Variants in GRM7 observed in about 807,000 individuals in gnomAD.
GRM7 encodes metabotropic glutamate receptor 7.
In GRM7, 35 loss-of-function variants were observed where a neutral mutation model predicts 84.5. The ratio of observed to expected loss-of-function variants is 0.41; its 90% CI spans 0.32 to 0.55. GRM7 has a LOEUF of 0.55. GRM7 is among the 20% of genes least tolerant of loss of function. The probability of loss-of-function intolerance (pLI) is 0.19; values close to 1 mark genes in which losing one functional copy is unlikely to be tolerated. For synonymous variants in GRM7, 487 were observed against 455.1 expected, an observed-to-expected ratio of 1.07 and a Z score of -0.89; for missense variants, 1,003 against 1,194.6, an observed-to-expected ratio of 0.84 and a Z score of 2.36.
intron 9 of GRM7, chr3:7,686,441 TC>T: frequency 7.0e-7 from 1 of 1,421,038 alleles, no homozygotes. Flanking sequence ...TTGACTGCTT[TC>T]CCAAAGGTAA....
At chr3:7,593,458 T>G (rs1695889144) in intron 8 of GRM7, among the ~76,000 whole-genome samples, 1 of 152,088 alleles carries the variant, frequency 6.6e-6, no homozygotes, top group African/African-American at 2.4e-5. Context: ...TGAGACAATA[T>G]GCAAACAAAC....
intron 3 of GRM7, among the ~76,000 whole-genome samples, chr3:7,302,628 T>G (rs1406376443): frequency 6.6e-6 from 1 of 152,146 alleles, no homozygotes; most frequent in Non-Finnish European, 1.5e-5. Flanking sequence ...TACAGGCAAT[T>G]TTTGGTCAGC....
chr3:7,732,598 CT>C (rs1702370471), intron 9 of GRM7, among the ~76,000 whole-genome samples: 2 of 152,204 alleles, frequency 1.3e-5, no homozygotes, highest in South Asian at 4.2e-4. Flanking sequence ...CTCTTCAAAA[CT>C]GTGAATATTT....
At chr3:6,885,242 G>A (rs1041186489) in intron 1 of GRM7, among the ~76,000 whole-genome samples, 2 of 152,172 alleles carry the variant, frequency 1.3e-5, no homozygotes, top group African/African-American at 4.8e-5. Context: ...CAGCCGCAGA[G>A]GTACTGCTTC....
chr3:7,479,545 G>A (rs997879473), intron 7 of GRM7, among the ~76,000 whole-genome samples: 6 of 152,152 alleles, frequency 3.9e-5, no homozygotes, highest in African/African-American at 1.4e-4. Flanking sequence ...CCTGCTTGAT[G>A]TCTAACCTAT....
At chr3:7,363,212 T>C (rs1403050705) in intron 4 of GRM7, among the ~76,000 whole-genome samples, 1 of 151,798 alleles carries the variant, frequency 6.6e-6, no homozygotes, top group African/African-American at 2.4e-5. Flanking sequence ...ATAAAATGTA[T>C]CACTCAGAAT....
At chr3:6,885,915 A>C (rs919302681) in intron 1 of GRM7, among the ~76,000 whole-genome samples, 1 of 152,150 alleles carries the variant, frequency 6.6e-6, no homozygotes, top group Non-Finnish European at 1.5e-5. Flanking sequence ...ATATTGATGG[A>C]TGCTATATTT....
At chr3:7,134,295 G>T (rs1224008511) in intron 1 of GRM7, among the ~76,000 whole-genome samples, 3 of 151,856 alleles carry the variant, frequency 2.0e-5, no homozygotes, top group African/African-American at 7.3e-5. Flanking sequence ...TATTTTCCAT[G>T]TTCCATAAAA....
chr3:7,210,060 C>T (rs1241808786), intron 2 of GRM7, among the ~76,000 whole-genome samples: 2 of 152,142 alleles, frequency 1.3e-5, no homozygotes, highest in African/African-American at 4.8e-5. Context: ...TGTTTCTGTT[C>T]AGTCTATCTA....
At chr3:7,004,896 A>G (rs1349643653) in intron 1 of GRM7, among the ~76,000 whole-genome samples, 2 of 152,226 alleles carry the variant, frequency 1.3e-5, no homozygotes, top group South Asian at 4.1e-4. Context: ...ACCACAGACA[A>G]CAGGCAGGCA....
At chr3:7,413,415 T>C (rs1022452795) in intron 4 of GRM7, among the ~76,000 whole-genome samples, 1 of 152,222 alleles carries the variant, frequency 6.6e-6, no homozygotes, top group Non-Finnish European at 1.5e-5. Flanking sequence ...TTTTTTGCCC[T>C]AGCTATAAGA....
intron 1 of GRM7, among the ~76,000 whole-genome samples, chr3:7,031,876 C>T (rs1696197629): frequency 6.6e-6 from 1 of 152,018 alleles, no homozygotes; most frequent in African/African-American, 2.4e-5. Context: ...AAACAAATCC[C>T]ACCAAGACAA....
intron 1 of GRM7, among the ~76,000 whole-genome samples, chr3:7,094,527 G>A (rs537694804): frequency 3.4e-4 from 52 of 152,202 alleles, no homozygotes; most frequent in Non-Finnish European, 6.8e-4. Context: ...CTTGAGATAC[G>A]TTACCTACTG....
intron 4 of GRM7, among the ~76,000 whole-genome samples, chr3:7,383,254 C>T (rs1271784602): frequency 1.3e-5 from 2 of 152,152 alleles, no homozygotes; most frequent in Non-Finnish European, 2.9e-5. Flanking sequence ...GTTTCTTACA[C>T]CTAAGAAGTG....
chr3:7,180,088 A>T (rs548959299), intron 2 of GRM7, among the ~76,000 whole-genome samples: 1 of 152,322 alleles, frequency 6.6e-6, no homozygotes, highest in African/African-American at 2.4e-5. Context: ...CTTTCACAGA[A>T]CATTGTTTGA....
chr3:7,414,012 C>G (rs563506701), intron 4 of GRM7, among the ~76,000 whole-genome samples: 88 of 152,260 alleles, frequency 5.8e-4, no homozygotes, highest in African/African-American at 2.0e-3. Context: ...AAATTCTTCT[C>G]TAAGCCTTCA....
intron 1 of GRM7, among the ~76,000 whole-genome samples, chr3:6,997,680 A>C (rs1694871371): frequency 2.0e-5 from 3 of 152,024 alleles, no homozygotes; most frequent in Admixed American, 6.6e-5. Context: ...TGCTCCTGGC[A>C]CCTCCCAAAT....
chr3:7,075,725 C>G (rs1021354481), intron 1 of GRM7, among the ~76,000 whole-genome samples: 5 of 152,002 alleles, frequency 3.3e-5, no homozygotes, highest in Admixed American at 1.3e-4. Flanking sequence ...AGGGTTTCAC[C>G]ATGTTGGCCA....
intron 2 of GRM7, among the ~76,000 whole-genome samples, chr3:7,289,656 C>T (rs950480953): frequency 1.3e-5 from 2 of 152,138 alleles, no homozygotes; most frequent in Admixed American, 6.5e-5. Context: ...GGCACATATA[C>T]ACCATGGAAT....
Sources: allele counts gnomAD v4.1 joint callset (sites outside exome capture counted in the v4.1 genomes callset), GRCh38; gene constraint gnomAD v4.1.1; transcripts MANE v1.5; gene names NCBI Gene and HGNC (gene_info 2026-07-23, HGNC 2026-07-21).